The following TLK2 variants were observed in gnomAD, a reference collection of about 807,000 sequenced individuals.
The protein encoded by TLK2 is serine/threonine-protein kinase tousled-like 2.
A neutral mutation model predicts 117.3 loss-of-function variants in TLK2; 6 were observed. That is an observed-to-expected ratio of 0.05 (90% CI 0.03 to 0.10). The LOEUF (loss-of-function observed/expected upper bound fraction) is 0.10. Among genes scored for constraint, TLK2 ranks in the 10% least tolerant of loss-of-function variants. The pLI, the probability that TLK2 is intolerant of heterozygous loss-of-function variation, is 1.00. For missense variants in TLK2, 299 were observed against 901.2 expected (o/e 0.33, Z 8.56); for synonymous variants, 257 against 316.7 (o/e 0.81, Z 2.00).
intron 7 of TLK2, among the ~76,000 whole-genome samples, chr17:62,541,848 A>T (rs2077559261): frequency 6.6e-6 from 1 of 152,152 alleles, no homozygotes; most frequent in Admixed American, 6.6e-5. Flanking sequence ...TCTCAAAGAA[A>T]AAAAAAAATT....
chr17:62,524,797 A>G (rs1344073289), intron 6 of TLK2, among the ~76,000 whole-genome samples: 1 of 152,238 alleles, frequency 6.6e-6, no homozygotes, highest in Non-Finnish European at 1.5e-5. Flanking sequence ...TCTTAAAAAC[A>G]TTATACCTAA....
chr17:62,574,390 A>G (rs750822933), intron 12 of TLK2: 2 of 1,466,768 alleles, frequency 1.4e-6, no homozygotes, highest in African/African-American at 2.8e-5. Context: ...CCCCAGCCTT[A>G]GGAGCCCACA....
At chr17:62,505,778 G>A (rs1598274775) in intron 2 of TLK2, among the ~76,000 whole-genome samples, 2 of 152,196 alleles carry the variant, frequency 1.3e-5, no homozygotes, top group Admixed American at 6.5e-5. Context: ...TGCAACCTCC[G>A]TCTCTTGGGC....
At chr17:62,581,414 C>G (rs993990926) in intron 15 of TLK2, among the ~76,000 whole-genome samples, 1 of 150,672 alleles carries the variant, frequency 6.6e-6, no homozygotes, top group Non-Finnish European at 1.5e-5. Context: ...GTGCACTACT[C>G]TACTGGTTTT....
chr17:62,517,859 G>A (rs779031909), intron 2 of TLK2, among the ~76,000 whole-genome samples: 5 of 151,846 alleles, frequency 3.3e-5, no homozygotes, highest in South Asian at 2.1e-4. Flanking sequence ...CATCCCGCCC[G>A]ACTATGTTTT....
intron 1 of TLK2, among the ~76,000 whole-genome samples, chr17:62,471,519 G>T (rs2070938899): frequency 6.6e-6 from 1 of 152,206 alleles, no homozygotes; most frequent in Non-Finnish European, 1.5e-5. Context: ...GGCTGTTTAT[G>T]TGCCAAGGTC....
At position 62,560,063 on chromosome 17, in the gene TLK2, A is replaced by G. The variant is rs2079143268; in HGVS notation, c.768A>G (p.Leu256=). ...RRQIDEQQKM[L]EKYKERLNRC... is the part of the protein sequence containing the mutation. The stretch of plus-strand genomic sequence containing the variant: ...AGATTGATGAACAGCAAAAGATGCT[A>G]GAGAAATACAAGGAACGATTAAATA... The change falls in exon 10 of 22, where the codon CTA becomes CTG. Residue 256 remains leucine, a synonymous_variant. Coordinates refer to ENST00000346027, the MANE Select transcript of TLK2 (RefSeq NM_006852.6). 5 of 1,612,274 alleles carry G rather than the reference A, an allele frequency of 3.1e-6. No individual in the cohort carries two copies. The highest frequency in any genetic ancestry group is 1.7e-4 in the Middle Eastern group (1 of 6,044).
chr17:62,493,199 A>G (rs2073294455), intron 2 of TLK2, among the ~76,000 whole-genome samples: 1 of 152,236 alleles, frequency 6.6e-6, no homozygotes. Context: ...TACTCTAGGT[A>G]CTAATGTGAA....
At chr17:62,594,817 CA>C (rs1340168791) in intron 16 of TLK2, among the ~76,000 whole-genome samples, 37 of 151,274 alleles carry the variant, frequency 2.4e-4, no homozygotes, top group Non-Finnish European at 2.7e-4. Flanking sequence ...CACACACACA[CA>C]CACACACACA....
intron 11 of TLK2, among the ~76,000 whole-genome samples, chr17:62,571,854 C>T (rs2080322914): frequency 6.6e-6 from 1 of 152,032 alleles, no homozygotes; most frequent in Non-Finnish European, 1.5e-5. Context: ...GAGCAACTTC[C>T]ATTTGAGTGT....
intron 15 of TLK2, among the ~76,000 whole-genome samples, chr17:62,580,479 TC>T (rs1200512594): frequency 2.0e-5 from 3 of 152,332 alleles, no homozygotes; most frequent in South Asian, 2.1e-4. Context: ...GTTCTGTACT[TC>T]CTGCCTCATA....
intron 2 of TLK2, chr17:62,516,502 A>G (rs2075603329): frequency 5.0e-6 from 8 of 1,607,458 alleles, no homozygotes; most frequent in Non-Finnish European, 6.8e-6. Context: ...GGCAGGCACA[A>G]TCTCCGGGGG....
intron 2 of TLK2, among the ~76,000 whole-genome samples, chr17:62,501,930 C>T (rs1293401007): frequency 6.6e-6 from 1 of 151,788 alleles, no homozygotes; most frequent in African/African-American, 2.4e-5. Context: ...CAATCAGTGT[C>T]ACAAACAAAC....
chr17:62,577,920 A>T (rs1019996534), intron 13 of TLK2, among the ~76,000 whole-genome samples: 1 of 152,082 alleles, frequency 6.6e-6, no homozygotes, highest in Non-Finnish European at 1.5e-5. Context: ...GGTGGCATGT[A>T]CCTGTAATCC....
intron 7 of TLK2, among the ~76,000 whole-genome samples, chr17:62,545,929 G>A (rs560051809): frequency 2.9e-4 from 44 of 152,194 alleles, no homozygotes; most frequent in African/African-American, 1.0e-3. Flanking sequence ...CACTGAGGCT[G>A]GAGTGCAGTG....
At chr17:62,563,743 A>G (rs964790174) in intron 10 of TLK2, among the ~76,000 whole-genome samples, 11 of 152,234 alleles carry the variant, frequency 7.2e-5, no homozygotes, top group South Asian at 4.1e-4. Context: ...GTTTTTTTCT[A>G]TGTCCTATAC....
chr17:62,564,592 C>T (rs541664155), intron 10 of TLK2, among the ~76,000 whole-genome samples: 127 of 150,158 alleles, frequency 8.5e-4, no homozygotes, highest in African/African-American at 2.9e-3. Flanking sequence ...CCTGTAGTCC[C>T]AGCTACTCAG....
At chr17:62,594,478 T>C (rs1236813360) in intron 16 of TLK2, among the ~76,000 whole-genome samples, 2 of 152,142 alleles carry the variant, frequency 1.3e-5, no homozygotes, top group Non-Finnish European at 2.9e-5. Flanking sequence ...ACTACAACTT[T>C]AAGGGAAACA....
intron 6 of TLK2, among the ~76,000 whole-genome samples, chr17:62,530,166 C>A (rs1346329653): frequency 7.9e-5 from 12 of 151,930 alleles, no homozygotes; most frequent in Non-Finnish European, 1.5e-4. Flanking sequence ...CCCTGCCACT[C>A]AGGAGGCTGA....
Sources: gnomAD v4.1 joint callset for allele counts (sites outside exome capture counted in the v4.1 genomes callset) on GRCh38, gnomAD v4.1.1 for gene constraint, MANE v1.5 for transcripts, NCBI Gene and HGNC (gene_info 2026-07-23, HGNC 2026-07-21) for gene names.